The following ERC1 variants were observed in gnomAD, a reference collection of about 807,000 sequenced individuals.
ERC1 encodes RAB6 interacting protein 2.
A neutral mutation model predicts 132.0 loss-of-function variants in ERC1; 56 were observed. The observed-to-expected ratio is 0.42, with a 90% CI of 0.34 to 0.53. The LOEUF (loss-of-function observed/expected upper bound fraction) is 0.53, where lower values mean the gene tolerates loss of function less well. Among genes scored for constraint, ERC1 ranks in the 20% least tolerant of loss-of-function variants. The pLI is 0.03. For synonymous variants in ERC1, 478 were observed against 476.1 expected (o/e 1.00, Z -0.05); for missense variants, 1,202 against 1,349.9 (o/e 0.89, Z 1.72).
At chr12:1,059,286 A>G (rs1375174148) in intron 2 of ERC1, among the ~76,000 whole-genome samples, 1 of 152,196 alleles carries the variant, frequency 6.6e-6, no homozygotes, top group Non-Finnish European at 1.5e-5. Context: ...GCAAACAGGG[A>G]CATTTGACTG....
chr12:1,446,971 G>A (rs1455906123), intron 18 of ERC1, among the ~76,000 whole-genome samples: 1 of 148,792 alleles, frequency 6.7e-6, no homozygotes, highest in Non-Finnish European at 1.5e-5. Flanking sequence ...AGTAAGCTAT[G>A]ATTGTGCCAC....
intron 17 of ERC1, among the ~76,000 whole-genome samples, chr12:1,426,915 G>A (rs1177875469): frequency 6.6e-6 from 1 of 151,832 alleles, no homozygotes; most frequent in Non-Finnish European, 1.5e-5. Context: ...CAAAACCTTT[G>A]GAATTCCTTC....
chr12:1,420,490 C>T (rs2092380663), intron 17 of ERC1, among the ~76,000 whole-genome samples: 1 of 152,024 alleles, frequency 6.6e-6, no homozygotes, highest in Non-Finnish European at 1.5e-5. Context: ...GAGTCTCGCT[C>T]TGTCACCCAG....
intron 8 of ERC1, among the ~76,000 whole-genome samples, chr12:1,154,113 T>C (rs1951088537): frequency 6.6e-6 from 1 of 152,090 alleles, no homozygotes; most frequent in South Asian, 2.1e-4. Context: ...CCTGAGTTAC[T>C]TCACTTAGGA....
At position 1,154,213 on chromosome 12, in the gene ERC1, G is replaced by GTA. The variant is rs1951103924; in HGVS notation, c.1737+12428_1737+12429dup. On this transcript the variant is annotated intron_variant, in intron 8 of 18. Transcript: ENST00000360905. The stretch of plus-strand genomic sequence containing the variant: ...GAGTAGTATTCCATGGTGTGTGTGT[G>GTA]TATGTATATGTATATGTATATGTAT... 2.1e-5 allele frequency among the ~76,000 whole-genome samples: 3 copies of GTA among 142,986 alleles called. No homozygotes were observed. In the South Asian group the frequency reaches 7.0e-4, roughly 33 times the overall value. The allele number at this position is 142,986 out of a possible 152,430, so 93.8% of individuals were successfully genotyped here. A position where few individuals can be genotyped will look rare whatever the true frequency, so the allele number is the denominator to read the frequency against.
intron 17 of ERC1, among the ~76,000 whole-genome samples, chr12:1,426,362 C>T (rs55822517): frequency 0.015 from 2,291 of 152,272 alleles, 26 homozygotes; most frequent in Non-Finnish European, 0.021. Flanking sequence ...GCCTCAACCT[C>T]CCAAAATGCT....
intron 14 of ERC1, among the ~76,000 whole-genome samples, chr12:1,276,887 T>C (rs1406348337): frequency 6.6e-6 from 1 of 152,222 alleles, no homozygotes; most frequent in Non-Finnish European, 1.5e-5. Context: ...ATCTAAACAG[T>C]GTTTTGAAAT....
At chr12:1,216,607 A>AGGAGGGATGGGGGCGGGGG (rs1555310945) in intron 12 of ERC1, among the ~76,000 whole-genome samples, 1 of 27,400 alleles carries the variant, frequency 3.6e-5, no homozygotes, top group African/African-American at 1.1e-4. Flanking sequence ...GGGGTCGGGG[A>AGGAGGGATGGGGGCGGGGG]GGAGGGATGG....
intron 1 of ERC1, among the ~76,000 whole-genome samples, chr12:1,011,161 G>T (rs527343827): frequency 6.6e-6 from 1 of 152,120 alleles, no homozygotes; most frequent in East Asian, 2.0e-4. Flanking sequence ...AATTACAGTG[G>T]CTCTCCTTTT....
At chr12:1,112,034 G>C (rs952410002) in intron 5 of ERC1, among the ~76,000 whole-genome samples, 181 bp from the exon 6 acceptor site, 5 of 85,506 alleles carry the variant, frequency 5.8e-5, no homozygotes, top group Non-Finnish European at 9.4e-5. Context: ...GTCCACTGTG[G>C]GGGGAAAAAA....
chr12:1,254,367 G>T (rs2076657412), intron 13 of ERC1, among the ~76,000 whole-genome samples: 1 of 152,132 alleles, frequency 6.6e-6, no homozygotes, highest in African/African-American at 2.4e-5. Flanking sequence ...CCCCTAGGCT[G>T]CCAATTTAAT....
intron 15 of ERC1, among the ~76,000 whole-genome samples, chr12:1,308,939 A>G (rs1163998688): frequency 6.6e-6 from 1 of 152,204 alleles, no homozygotes; most frequent in African/African-American, 2.4e-5. Flanking sequence ...TGGAGTTCTT[A>G]TGAATGGGAT....
intron 8 of ERC1, among the ~76,000 whole-genome samples, chr12:1,164,540 C>T (rs944556241): frequency 6.6e-6 from 1 of 151,704 alleles, no homozygotes; most frequent in African/African-American, 2.4e-5. Flanking sequence ...AAGGGTTTCA[C>T]CGTGTTAGCC....
chr12:1,093,696 T>G (rs1438920494), intron 3 of ERC1, among the ~76,000 whole-genome samples: 2 of 151,850 alleles, frequency 1.3e-5, no homozygotes, highest in Non-Finnish European at 2.9e-5. Context: ...ACAACTGCTA[T>G]CGTGTTAGGT....
intron 13 of ERC1, among the ~76,000 whole-genome samples, chr12:1,247,306 A>G (rs920375077): frequency 4.6e-5 from 7 of 152,268 alleles, no homozygotes; most frequent in African/African-American, 1.4e-4. Flanking sequence ...AAAAACAATG[A>G]AAGTAAGGTT....
intron 15 of ERC1, among the ~76,000 whole-genome samples, chr12:1,336,988 G>A (rs1401112942): frequency 1.3e-5 from 2 of 152,060 alleles, no homozygotes; most frequent in Non-Finnish European, 2.9e-5. Context: ...TTTTGTTTTT[G>A]TATTTTTGGT....
chr12:1,031,777 T>C (rs559245829), intron 2 of ERC1, among the ~76,000 whole-genome samples: 2 of 152,138 alleles, frequency 1.3e-5, no homozygotes, highest in African/African-American at 4.8e-5. Context: ...ATTAAGACTT[T>C]AAGAATGTGT....
intron 1 of ERC1, among the ~76,000 whole-genome samples, chr12:1,019,032 G>A (rs1965938422): frequency 2.0e-5 from 3 of 152,182 alleles, no homozygotes; most frequent in South Asian, 2.1e-4. Flanking sequence ...TGGTTGTCAC[G>A]TGGAGAAGGA....
chr12:1,093,140 T>C (rs1316621232), intron 3 of ERC1, among the ~76,000 whole-genome samples: 3 of 148,710 alleles, frequency 2.0e-5, no homozygotes, highest in African/African-American at 7.3e-5. Context: ...GTAACATTTG[T>C]AATTAGTTTT....
Sources: allele counts gnomAD v4.1 joint callset (sites outside exome capture counted in the v4.1 genomes callset), GRCh38; gene constraint gnomAD v4.1.1; transcripts MANE v1.5; gene names NCBI Gene and HGNC (gene_info 2026-07-23, HGNC 2026-07-21).